Variants in CCDC192 observed in about 807,000 individuals in gnomAD.
The protein encoded by CCDC192 is coiled-coil domain containing 192.
chr5:127,760,090 A>C (rs1201564258), intron 3 of CCDC192, among the ~76,000 whole-genome samples: 1 of 152,148 alleles, frequency 6.6e-6, no homozygotes, highest in African/African-American at 2.4e-5. Flanking sequence ...TACATATGAG[A>C]AAACTTTTTA....
upstream of CCDC192, among the ~76,000 whole-genome samples, chr5:127,702,880 A>C (rs1750763633): frequency 1.3e-5 from 2 of 152,378 alleles, no homozygotes; most frequent in East Asian, 3.9e-4. Flanking sequence ...GCAGGTGAAC[A>C]GTGAGCAAAC....
chr5:127,710,929 A>T (rs916302077), intron 2 of CCDC192, among the ~76,000 whole-genome samples: 1 of 152,140 alleles, frequency 6.6e-6, no homozygotes, highest in Admixed American at 6.5e-5. Flanking sequence ...TCTCAACCCT[A>T]TCTATTCTTT....
At chr5:127,819,351 ACT>A (rs1327009847) in intron 5 of CCDC192, among the ~76,000 whole-genome samples, 1 of 151,940 alleles carries the variant, frequency 6.6e-6, no homozygotes, top group Non-Finnish European at 1.5e-5. Flanking sequence ...TAGGTTCCTG[ACT>A]CTGTATTCTT....
At chr5:127,818,392 G>T (rs987230137) in intron 5 of CCDC192, among the ~76,000 whole-genome samples, 1 of 152,030 alleles carries the variant, frequency 6.6e-6, no homozygotes, top group Non-Finnish European at 1.5e-5. Context: ...TTTAAAAAAC[G>T]AATCCTGGGT....
intron 5 of CCDC192, among the ~76,000 whole-genome samples, chr5:127,860,943 A>G (rs1243104487): frequency 6.6e-6 from 1 of 152,200 alleles, no homozygotes; most frequent in Admixed American, 6.5e-5. Flanking sequence ...TAGCATGTGT[A>G]TTTGTGTGTT....
At chr5:127,833,997 A>G (rs1343910096) in intron 5 of CCDC192, among the ~76,000 whole-genome samples, 1 of 152,170 alleles carries the variant, frequency 6.6e-6, no homozygotes, top group East Asian at 1.9e-4. Context: ...CCACTTTGAC[A>G]TAAGAATTAT....
chr5:127,839,014 G>T (rs1024406924), intron 5 of CCDC192, among the ~76,000 whole-genome samples: 1 of 152,252 alleles, frequency 6.6e-6, no homozygotes, highest in East Asian at 1.9e-4. Context: ...TTAGGTAAAT[G>T]GTTTTCACCT....
intron 6 of CCDC192, among the ~76,000 whole-genome samples, chr5:127,913,374 C>T (rs753850184): frequency 6.6e-6 from 1 of 152,180 alleles, no homozygotes. Context: ...CTACGTTTAC[C>T]TCTTCATTGT....
intron 6 of CCDC192, chr5:127,940,501 G>A (rs921024273): frequency 6.6e-6 from 1 of 152,128 alleles, no homozygotes; most frequent in African/African-American, 2.4e-5. Context: ...CCAGGCTGGA[G>A]TGCAGTAGCA....
intron 6 of CCDC192, among the ~76,000 whole-genome samples, chr5:127,921,455 A>G (rs1417718444): frequency 6.6e-6 from 1 of 152,192 alleles, no homozygotes; most frequent in Non-Finnish European, 1.5e-5. Context: ...CTATCTGGCA[A>G]CATAGATGCA....
At chr5:127,882,811 T>C (rs1408842175) in intron 6 of CCDC192, among the ~76,000 whole-genome samples, 1 of 152,214 alleles carries the variant, frequency 6.6e-6, no homozygotes, top group Non-Finnish European at 1.5e-5. Flanking sequence ...CGTGAATAGT[T>C]GTCCACTTGG....
At chr5:127,747,726 G>A (rs1753862272) in intron 2 of CCDC192, among the ~76,000 whole-genome samples, 1 of 150,786 alleles carries the variant, frequency 6.6e-6, no homozygotes, top group Admixed American at 6.6e-5. Flanking sequence ...CCCACCAACA[G>A]TGTAAAAGTG....
intron 3 of CCDC192, among the ~76,000 whole-genome samples, chr5:127,767,361 T>C (rs1391078731): frequency 6.6e-6 from 1 of 152,212 alleles, no homozygotes; most frequent in Non-Finnish European, 1.5e-5. Flanking sequence ...AGAACGGTTG[T>C]GTAACTACAG....
At chr5:127,815,425 T>C (rs1748958951) in intron 5 of CCDC192, among the ~76,000 whole-genome samples, 1 of 152,026 alleles carries the variant, frequency 6.6e-6, no homozygotes, top group South Asian at 2.1e-4. Context: ...ATTGGCACAT[T>C]TGGGGATGAT....
intron 5 of CCDC192, among the ~76,000 whole-genome samples, chr5:127,850,702 A>C (rs1352262345): frequency 6.6e-6 from 1 of 152,188 alleles, no homozygotes; most frequent in East Asian, 1.9e-4. Flanking sequence ...GCGGTGGCTC[A>C]AGCCTGTAAT....
At chr5:127,765,494 G>C (rs546923457) in intron 3 of CCDC192, among the ~76,000 whole-genome samples, 3 of 152,182 alleles carry the variant, frequency 2.0e-5, no homozygotes, top group African/African-American at 7.2e-5. Context: ...AATATCAGTA[G>C]ATATAGCCCA....
chr5:127,860,168 A>G (rs912934945), intron 5 of CCDC192, among the ~76,000 whole-genome samples: 2 of 152,182 alleles, frequency 1.3e-5, no homozygotes, highest in Non-Finnish European at 2.9e-5. Context: ...TTTATTATAT[A>G]TCTATTTCCC....
At chr5:127,734,349 C>A (rs1298033524) in intron 2 of CCDC192, among the ~76,000 whole-genome samples, 1 of 151,888 alleles carries the variant, frequency 6.6e-6, no homozygotes, top group African/African-American at 2.4e-5. Flanking sequence ...GGGTTGGTTC[C>A]AAGTCTTTGC....
In CCDC192 at chr5:127,771,730, T is replaced by C. The variant is rs142355985; in HGVS notation, c.222+17355T>C. Among the ~76,000 whole-genome samples, 17 of 152,310 alleles carry C rather than the reference T, an allele frequency of 1.1e-4. No individual in the cohort carries two copies. In the East Asian group the frequency reaches 2.9e-3, roughly 26 times the overall value. Reference sequence around the variant, plus strand: ...ATGCTTTCCTCTTCAAATAACAGAATCCCAATTAAAGTAATGTAATAATGT... The same window carrying C: ...ATGCTTTCCTCTTCAAATAACAGAACCCCAATTAAAGTAATGTAATAATGT... On this transcript the variant is annotated intron_variant, in intron 3 of 6. Transcript: ENST00000514853.
Sources: gnomAD v4.1 joint callset for allele counts (sites outside exome capture counted in the v4.1 genomes callset) on GRCh38, gnomAD v4.1.1 for gene constraint, MANE v1.5 for transcripts, NCBI Gene and HGNC (gene_info 2026-07-23, HGNC 2026-07-21) for gene names.